HHAT: variants seen among roughly 807,000 people sequenced by gnomAD.
HHAT encodes hedgehog acyltransferase, also known as protein-cysteine N-palmitoyltransferase HHAT.
HHAT carries 47 observed loss-of-function variants against 70.8 expected under a neutral mutation model. The ratio of observed to expected loss-of-function variants is 0.66; its 90% CI spans 0.53 to 0.85. The LOEUF (loss-of-function observed/expected upper bound fraction) is 0.85. HHAT is among the 40% of genes least tolerant of loss of function. The probability of loss-of-function intolerance (pLI) is 0.00; values close to 1 mark genes in which losing one functional copy is unlikely to be tolerated. For missense variants in HHAT, 609 were observed against 604.8 expected (o/e 1.01, Z -0.07); for synonymous variants, 228 against 247.6 (o/e 0.92, Z 0.74).
intron 10 of HHAT, among the ~76,000 whole-genome samples, chr1:210,602,076 G>A (rs531485749): frequency 2.0e-5 from 3 of 151,980 alleles, no homozygotes; most frequent in Non-Finnish European, 4.4e-5. Context: ...TGAGGAGGAG[G>A]AAAATCTAGA....
At chr1:210,651,385 C>T (rs1332813111) in intron 11 of HHAT, among the ~76,000 whole-genome samples, 1 of 152,176 alleles carries the variant, frequency 6.6e-6, no homozygotes, top group Non-Finnish European at 1.5e-5. Flanking sequence ...CAAAAAGGGA[C>T]ACTGAGGCAT....
chr1:210,529,509 T>C (rs2095290945), intron 9 of HHAT, among the ~76,000 whole-genome samples: 1 of 152,104 alleles, frequency 6.6e-6, no homozygotes, highest in South Asian at 2.1e-4. Context: ...CTTCTGGCTT[T>C]TAGGGAATTT....
rs749576925 is a variant in HHAT, at chr1:210,329,090, C to T, written c.-58C>T. ...CGTGAACGTTGCCGTCGCCGCCGCC[C>T]GGGACAGCCCGGAGGTTGGTAACTG... On this transcript the variant is annotated 5_prime_UTR_variant, in exon 1 of 12. Transcript: ENST00000261458. 27 of 1,408,770 alleles carry T rather than the reference C, an allele frequency of 1.9e-5. 1 individual carries two copies. The highest frequency in any genetic ancestry group is 4.6e-5 in the South Asian group (3 of 65,354). 87.3% of individuals were successfully genotyped at this position (1,408,770 alleles called of 1,614,324 possible). A position where few individuals can be genotyped will look rare whatever the true frequency, so the allele number is the denominator to read the frequency against.
chr1:210,596,401 A>G (rs4845061), intron 10 of HHAT, among the ~76,000 whole-genome samples: 146,349 of 152,234 alleles, frequency 0.96, 70,599 homozygotes, highest in East Asian at 1. Flanking sequence ...TCTCTTTGGA[A>G]AAATGTTCTA....
intron 8 of HHAT, among the ~76,000 whole-genome samples, chr1:210,479,371 A>T (rs1034284361): frequency 6.6e-6 from 1 of 152,216 alleles, no homozygotes; most frequent in African/African-American, 2.4e-5. Flanking sequence ...GTTAATACTG[A>T]CAAGTAATGT....
intron 9 of HHAT, among the ~76,000 whole-genome samples, chr1:210,565,578 T>G (rs772884090): frequency 5.9e-5 from 9 of 152,062 alleles, no homozygotes; most frequent in Non-Finnish European, 1.3e-4. Flanking sequence ...CAAGGAAGTA[T>G]CTAAAAAAAC....
intron 9 of HHAT, among the ~76,000 whole-genome samples, chr1:210,582,763 A>G (rs1207963357): frequency 2.0e-5 from 3 of 152,200 alleles, no homozygotes; most frequent in Admixed American, 2.0e-4. Context: ...TTGAGATAGC[A>G]GGTGTTATCT....
chr1:210,396,867 A>G (rs572352839), intron 4 of HHAT, among the ~76,000 whole-genome samples: 29 of 152,208 alleles, frequency 1.9e-4, no homozygotes, highest in Non-Finnish European at 3.1e-4. Flanking sequence ...GGTTGTCAGG[A>G]TTAGGGATGG....
At chr1:210,450,611 T>A (rs555091330) in intron 7 of HHAT, among the ~76,000 whole-genome samples, 1 of 149,000 alleles carries the variant, frequency 6.7e-6, no homozygotes, top group South Asian at 2.1e-4. Context: ...GTAAATCTTT[T>A]TTTTTTTTTT....
intron 9 of HHAT, among the ~76,000 whole-genome samples, chr1:210,565,747 T>G (rs1654574329): frequency 6.6e-6 from 1 of 152,162 alleles, no homozygotes; most frequent in Non-Finnish European, 1.5e-5. Flanking sequence ...CTGTGTTTCT[T>G]TGAAGAGGAG....
chr1:210,526,695 A>G (rs2095254735), intron 9 of HHAT, among the ~76,000 whole-genome samples: 1 of 152,108 alleles, frequency 6.6e-6, no homozygotes, highest in African/African-American at 2.4e-5. Flanking sequence ...ATAAACTCTA[A>G]GGTCTCTTCC....
intron 7 of HHAT, among the ~76,000 whole-genome samples, chr1:210,440,213 C>T (rs1323420386): frequency 2.0e-5 from 3 of 151,626 alleles, no homozygotes; most frequent in African/African-American, 7.3e-5. Context: ...AAGTTGGGTT[C>T]CCCAGGGAGG....
intron 2 of HHAT, 133 bp downstream of exon 2, chr1:210,349,199 T>G (rs2086795259): frequency 1.1e-6 from 1 of 940,476 alleles, no homozygotes; most frequent in Non-Finnish European, 1.6e-6. Flanking sequence ...CTTCCCCATG[T>G]CTTGGATAGT....
intron 11 of HHAT, among the ~76,000 whole-genome samples, chr1:210,654,298 G>T (rs1374751293): frequency 1.3e-5 from 2 of 148,900 alleles, no homozygotes. Context: ...ATTTCTACAC[G>T]TCCTTAGCCC....
At chr1:210,624,099 G>A (rs7514305) in intron 11 of HHAT, among the ~76,000 whole-genome samples, 2 of 151,766 alleles carry the variant, frequency 1.3e-5, no homozygotes, top group African/African-American at 2.4e-5. Context: ...GGGTCTGCCC[G>A]CATGAATGGA....
chr1:210,603,051 C>T (rs565250417), intron 10 of HHAT, among the ~76,000 whole-genome samples: 1 of 152,176 alleles, frequency 6.6e-6, no homozygotes, highest in Non-Finnish European at 1.5e-5. Flanking sequence ...AAATAGAACC[C>T]ATTTTCAGTT....
chr1:210,394,540 C>A (rs907940936), intron 4 of HHAT, among the ~76,000 whole-genome samples: 3 of 152,096 alleles, frequency 2.0e-5, no homozygotes, highest in African/African-American at 7.2e-5. Context: ...CAAAAAATAC[C>A]CCCGTGTGAA....
At position 210,660,239 on chromosome 1, in the gene HHAT, G is replaced by A. The variant is rs371748983; in HGVS notation, c.1391-14049G>A. ...AAGTCTCAGGATACAAAATCAATGTGCAAAAATCACAGCATTCCTATACAC... is the reference window on the plus strand; with the variant it reads ...AAGTCTCAGGATACAAAATCAATGTACAAAAATCACAGCATTCCTATACAC... On this transcript the variant is annotated intron_variant, in intron 11 of 11. Transcript: ENST00000261458. Among the ~76,000 whole-genome samples, 17 of 152,216 alleles carry A rather than the reference G, an allele frequency of 1.1e-4. No individual in the cohort carries two copies. In the South Asian group the frequency reaches 3.5e-3, roughly 32 times the overall value.
chr1:210,632,028 G>A (rs79395778), intron 11 of HHAT, among the ~76,000 whole-genome samples: 146 of 152,322 alleles, frequency 9.6e-4, no homozygotes, highest in African/African-American at 3.4e-3. Context: ...ATTGGGCCTA[G>A]TTGGGCCATT....
Sources: gnomAD v4.1 joint callset for allele counts (sites outside exome capture counted in the v4.1 genomes callset) on GRCh38, gnomAD v4.1.1 for gene constraint, MANE v1.5 for transcripts, NCBI Gene and HGNC (gene_info 2026-07-23, HGNC 2026-07-21) for gene names.